Variants in UBE2H observed in about 807,000 individuals in gnomAD.
The protein encoded by UBE2H is ubiquitin conjugating enzyme E2 H, also known as ubiquitin-conjugating enzyme E2 H.
A neutral mutation model predicts 29.0 loss-of-function variants in UBE2H; 3 were observed. The observed-to-expected ratio is 0.10, with a 90% confidence interval of 0.05 to 0.27. The LOEUF (loss-of-function observed/expected upper bound fraction) is 0.27, where lower values mean the gene tolerates loss of function less well. UBE2H is among the 10% of genes least tolerant of loss of function. The pLI is 1.00. For synonymous variants in UBE2H, 69 were observed against 82.9 expected (o/e 0.83, Z 0.91); for missense variants, 68 against 228.2 (o/e 0.30, Z 4.52).
At position 129,831,401 on chromosome 7, in the gene UBE2H, A is replaced by G. The variant is rs1439707036; in HGVS notation, c.*3536T>C. The G allele has an allele frequency of 1.3e-5, 2 of 152,208 alleles. No homozygotes were observed. Among genetic ancestry groups the G allele is most frequent in the African/African-American group, 2.4e-5 (1 of 41,458 alleles). The allele number at this position is 152,208 out of a possible 1,614,324, so 9.4% of individuals were successfully genotyped here. ...CAGAGACTTGGTGTCCAGAAACTTG[A>G]CCCACAGAGGCTAGCGGAGGATCTG... On this transcript the variant is annotated 3_prime_UTR_variant, in exon 7 of 7. Coordinates refer to ENST00000355621, the MANE Select transcript of UBE2H (RefSeq NM_003344.4).
intron 1 of UBE2H, among the ~76,000 whole-genome samples, chr7:129,922,673 T>C (rs192782237): frequency 6.6e-6 from 1 of 152,186 alleles, no homozygotes; most frequent in Non-Finnish European, 1.5e-5. Flanking sequence ...AAATATGAGA[T>C]AGCAAATATA....
chr7:129,911,053 G>A (rs1806925733), intron 1 of UBE2H, among the ~76,000 whole-genome samples: 1 of 151,854 alleles, frequency 6.6e-6, no homozygotes. Context: ...TGGAGGGCAG[G>A]GTTGGGGGAG....
chr7:129,940,696 T>C (rs947732411), intron 1 of UBE2H, among the ~76,000 whole-genome samples: 2 of 152,178 alleles, frequency 1.3e-5, no homozygotes, highest in African/African-American at 4.8e-5. Flanking sequence ...TCTTGAGGAT[T>C]TGGGTTCTAC....
chr7:129,901,847 A>AG (rs1200733522), intron 1 of UBE2H, among the ~76,000 whole-genome samples: 4 of 152,100 alleles, frequency 2.6e-5, no homozygotes, highest in African/African-American at 9.7e-5. Flanking sequence ...CACCCACCTC[A>AG]GCCTCCCAAA....
chr7:129,891,814 A>C (rs2727484), intron 1 of UBE2H, among the ~76,000 whole-genome samples: 1,011 of 67,510 alleles, frequency 0.015, 11 homozygotes, highest in African/African-American at 0.029. Flanking sequence ...CAAAAACAAA[A>C]AAAAAAAAAA....
At chr7:129,869,808 G>C (rs139861192) in intron 3 of UBE2H, among the ~76,000 whole-genome samples, 1 of 152,186 alleles carries the variant, frequency 6.6e-6, no homozygotes, top group East Asian at 1.9e-4. Flanking sequence ...AGCTGGCAGG[G>C]AGGAGAGACA....
intron 2 of UBE2H, 46 bp from the exon 3 acceptor site, chr7:129,879,688 A>C (rs1200047573): frequency 2.0e-6 from 3 of 1,518,094 alleles, no homozygotes; most frequent in Non-Finnish European, 2.7e-6. Flanking sequence ...TCTCCAAATT[A>C]GAAAATAAAT....
At chr7:129,914,814 A>G (rs922990347) in intron 1 of UBE2H, among the ~76,000 whole-genome samples, 10 of 152,226 alleles carry the variant, frequency 6.6e-5, no homozygotes, top group Non-Finnish European at 5.9e-5. Flanking sequence ...CTTATCTCTC[A>G]GCTCTGCAAC....
intron 2 of UBE2H, 82 bp downstream of exon 2, chr7:129,880,813 G>T: frequency 1.6e-6 from 2 of 1,281,760 alleles, no homozygotes; most frequent in Non-Finnish European, 2.2e-6. Flanking sequence ...AACTACGCAT[G>T]CTACCATCTG....
At position 129,874,892 on chromosome 7, in the gene UBE2H, C is replaced by A. The variant is rs117596116; in HGVS notation, c.205+4676G>T. Among the ~76,000 whole-genome samples, 68 of 152,144 alleles carry A rather than the reference C, an allele frequency of 4.5e-4. No homozygotes were observed. In the East Asian group the frequency reaches 0.012, roughly 26 times the overall value. ...GATGGACTAAACTCTAAACTCTAAG[C>A]AGAAAACAAAGGAAGGAAAACAGTG... On this transcript the variant is annotated intron_variant, in intron 3 of 6. Coordinates refer to ENST00000355621, the MANE Select transcript of UBE2H (RefSeq NM_003344.4).
intron 1 of UBE2H, among the ~76,000 whole-genome samples, chr7:129,906,464 C>CA (rs1806819561): frequency 6.6e-6 from 1 of 152,074 alleles, no homozygotes; most frequent in African/African-American, 2.4e-5. Context: ...ATCAGCCTCC[C>CA]AAAGTGCTGG....
At chr7:129,871,200 G>A (rs1273294480) in intron 3 of UBE2H, among the ~76,000 whole-genome samples, 1 of 152,216 alleles carries the variant, frequency 6.6e-6, no homozygotes, top group East Asian at 1.9e-4. Flanking sequence ...CCAGCTCGCA[G>A]TAGGTATCCA....
intron 1 of UBE2H, among the ~76,000 whole-genome samples, chr7:129,952,113 T>C (rs1807889095): frequency 6.6e-6 from 1 of 151,944 alleles, no homozygotes; most frequent in Admixed American, 6.6e-5. Context: ...CTCGGGAATT[T>C]CTGCCTTGAT....
intron 1 of UBE2H, among the ~76,000 whole-genome samples, chr7:129,924,951 T>TA (rs936620203): frequency 3.6e-4 from 51 of 140,880 alleles, no homozygotes; most frequent in African/African-American, 6.5e-4. Flanking sequence ...AAACTATGAA[T>TA]AAAAAAAAAA....
At chr7:129,884,184 G>A (rs1018294777) in intron 1 of UBE2H, among the ~76,000 whole-genome samples, 12 of 152,222 alleles carry the variant, frequency 7.9e-5, no homozygotes, top group Admixed American at 2.6e-4. Context: ...TTGGGGGGCC[G>A]ATGCAGGTGG....
intron 3 of UBE2H, among the ~76,000 whole-genome samples, chr7:129,871,196 C>A (rs6467267): frequency 6.6e-6 from 1 of 152,066 alleles, no homozygotes; most frequent in South Asian, 2.1e-4. Context: ...ACGCCCAGCT[C>A]GCAGTAGGTA....
At chr7:129,911,452 T>C (rs777348792) in intron 1 of UBE2H, among the ~76,000 whole-genome samples, 5 of 151,046 alleles carry the variant, frequency 3.3e-5, no homozygotes, top group African/African-American at 4.9e-5. Context: ...ACTTCGGCAA[T>C]AGGTAAGTAA....
intron 1 of UBE2H, among the ~76,000 whole-genome samples, chr7:129,911,740 T>C (rs1563043616): frequency 6.6e-6 from 1 of 152,070 alleles, no homozygotes; most frequent in Non-Finnish European, 1.5e-5. Flanking sequence ...TGGGTTCAAG[T>C]GATCCTCCTG....
Position 129,846,819 on chromosome 7 carries a change from C to T in UBE2H, c.299-7484G>A, listed in dbSNP as rs979520498. ...CAAAGCCATTCTTCCGTTCTCAATC[C>T]CACTTACCCCATCCCCTTTCTCCTT... On this transcript the variant is annotated intron_variant, in intron 5 of 6. Transcript: ENST00000355621. Among the ~76,000 whole-genome samples, 6 of 152,116 alleles carry T rather than the reference C, an allele frequency of 3.9e-5. No homozygotes were observed. In the South Asian group the frequency reaches 1.2e-3, roughly 31 times the overall value.
Sources: gnomAD v4.1 joint callset for allele counts (sites outside exome capture counted in the v4.1 genomes callset) on GRCh38, gnomAD v4.1.1 for gene constraint, MANE v1.5 for transcripts, NCBI Gene and HGNC (gene_info 2026-07-23, HGNC 2026-07-21) for gene names.